The following NAALADL1 variants were observed in gnomAD, a reference collection of about 807,000 sequenced individuals.
NAALADL1 encodes aminopeptidase NAALADL1.
In NAALADL1, 77 loss-of-function variants were observed where a neutral mutation model predicts 82.8. The observed-to-expected ratio is 0.93, with a 90% CI of 0.77 to 1.12. The LOEUF (loss-of-function observed/expected upper bound fraction) is 1.12, where lower values mean the gene tolerates loss of function less well. NAALADL1 is among the 50% of genes most tolerant of loss of function. The probability of loss-of-function intolerance (pLI) is 0.00; values close to 1 mark genes in which losing one functional copy is unlikely to be tolerated. For synonymous variants in NAALADL1, 358 were observed against 399.2 expected, an observed-to-expected ratio of 0.90 and a Z score of 1.23; for missense variants, 956 against 964.0, an observed-to-expected ratio of 0.99 and a Z score of 0.11.
chr11:65,053,057 C>T lies in NAALADL1; in HGVS notation c.1198+161G>A, dbSNP rs1214023635. Among the ~76,000 whole-genome samples, 1 of 152,244 alleles carries T rather than the reference C, an allele frequency of 6.6e-6. No individual in the cohort carries two copies. Among genetic ancestry groups the T allele is most frequent in the Admixed American group, 6.5e-5 (1 of 15,274 alleles). ...TCAACCCACAGTCTATTCCCTGTAC[C>T]ACACTGGGCTGCTGCAGGCCAAGGC... On this transcript the variant is annotated intron_variant, in intron 8 of 17. Coordinates refer to ENST00000358658, the MANE Select transcript of NAALADL1 (RefSeq NM_005468.3). This position sits in a 1 kb window ranked among gnomAD's most constrained non-coding sequence, Gnocchi z 4.3.
Position 65,045,035 on chromosome 11 carries a change from T to C in NAALADL1, c.*236A>G. On this transcript the variant is annotated 3_prime_UTR_variant, in exon 18 of 18. Transcript: ENST00000358658. ...ACCTGCCACCAAGGGCAGTTGGTGG[T>C]TTTGCCATCCCATCCCTGTCCCCTG... 1 of 613,096 alleles carries C rather than the reference T, an allele frequency of 1.6e-6. No individual in the cohort carries two copies. The allele number at this position is 613,096 out of a possible 1,614,324, so 38.0% of individuals were successfully genotyped here.
rs1205177823 is a variant in NAALADL1 at position 65,047,575 on chromosome 11, G to A, written c.1509-10C>T. On this transcript the variant is annotated splice_polypyrimidine_tract_variant and intron_variant, in intron 12 of 17. Coordinates refer to ENST00000358658, the MANE Select transcript of NAALADL1 (RefSeq NM_005468.3). The stretch of plus-strand genomic sequence containing the variant: ...ACCCAGAGAACCCAAGCTGCGGGAA[G>A]GAAGGGGGCCGGGATAAAGAGCGCT... 6.4e-7 allele frequency: 1 copy of A among 1,573,434 alleles called. No individual in the cohort carries two copies. Among genetic ancestry groups the A allele is most frequent in the Non-Finnish European group, 8.6e-7 (1 of 1,159,730 alleles).
In NAALADL1 at chr11:65,045,123, C is replaced by T. The variant is rs1590752417; in HGVS notation, c.*148G>A. 3.4e-6 allele frequency: 3 copies of T among 875,814 alleles called. No homozygotes were observed. The highest frequency in any genetic ancestry group is 2.7e-5 in the East Asian group (1 of 37,186). 54.3% of individuals were successfully genotyped at this position (875,814 alleles called of 1,614,324 possible). Reference sequence around the variant, plus strand: ...TGAGTTGCATTAGGGCTTGCCACTCCCCTCAGGGACCTCAAGCTGTTGCCT... The same window carrying T: ...TGAGTTGCATTAGGGCTTGCCACTCTCCTCAGGGACCTCAAGCTGTTGCCT... On this transcript the variant is annotated 3_prime_UTR_variant, in exon 18 of 18. Transcript: ENST00000358658.
chr11:65,058,178 G>A lies in NAALADL1; in HGVS notation c.258C>T (p.Arg86=). 1.2e-6 allele frequency: 2 copies of A among 1,613,900 alleles called. No individual in the cohort carries two copies. Among genetic ancestry groups the A allele is most frequent in the Non-Finnish European group, 8.5e-7 (1 of 1,179,934 alleles). ...CCAGGCCTGACTCTGGGTCCTTCCA[G>A]CGCTGCAGCAGCAGCTGCACCAGGT... ...DEDLVQLLLQ[R]WKDPESGLDS... Residue 86 remains arginine (R), a synonymous_variant, in exon 2 of 18, where the codon CGC becomes CGT. Coordinates refer to ENST00000358658, the MANE Select transcript of NAALADL1 (RefSeq NM_005468.3).
intron 17 of NAALADL1, 166 bp downstream of exon 17, chr11:65,045,656 G>T: frequency 1.1e-6 from 1 of 873,514 alleles, no homozygotes; most frequent in Non-Finnish European, 1.7e-6. Context: ...GCTCCCAGAG[G>T]GACCCTCAAG....
At chr11:65,049,920 C>T (rs1946840397) in intron 8 of NAALADL1, among the ~76,000 whole-genome samples, 1 of 151,652 alleles carries the variant, frequency 6.6e-6, no homozygotes, top group South Asian at 2.1e-4. Context: ...TCTCATCAAC[C>T]AGGCTGGAGT....
At position 65,058,469 on chromosome 11, in the gene NAALADL1, C is replaced by G. The variant is rs770479797; in HGVS notation, c.53G>C (p.Gly18Ala). The G allele has an allele frequency of 1.2e-6, 2 of 1,612,850 alleles. No homozygotes were observed. Among genetic ancestry groups the G allele is most frequent in the Non-Finnish European group, 8.5e-7 (1 of 1,179,614 alleles). The change falls in exon 1 of 18, where the codon GGG becomes GCG. Residue 18 changes from glycine (G) to alanine (A), a missense_variant. Coordinates refer to ENST00000358658, the MANE Select transcript of NAALADL1 (RefSeq NM_005468.3). ...AAAGTGGCCGAGGATGATCCCCAGCCCCAAGAGGGCAGCAGCCCCCAGCCC... is the reference window on the plus strand; with the variant it reads ...AAAGTGGCCGAGGATGATCCCCAGCGCCAAGAGGGCAGCAGCCCCCAGCCC... ...GLGLGAAALL[G>A]LGIILGHFAI...
chr11:65,054,562 G>T lies in NAALADL1; in HGVS notation c.780C>A (p.Tyr260Ter), dbSNP rs761452218. ...YEYFGDPLTP[Y>*]LPAVPSSFRV... Reference sequence around the variant, plus strand: ...GGAAGGAAGAGGGGACGGCTGGAAGGTAGGGAGTCAGAGGGTCCCCAAAAT... The same window carrying T: ...GGAAGGAAGAGGGGACGGCTGGAAGTTAGGGAGTCAGAGGGTCCCCAAAAT... Residue 260 changes from tyrosine to a stop codon, truncating the protein, a stop_gained, in exon 5 of 18, where the codon TAC becomes TAA. Transcript: ENST00000358658. LOFTEE classifies it high-confidence loss of function. This position sits in a 1 kb window ranked among gnomAD's most constrained non-coding sequence, Gnocchi z 4.3. The T allele has an allele frequency of 1.2e-6, 2 of 1,613,890 alleles. No homozygotes were observed. The highest frequency in any genetic ancestry group is 2.2e-5 in the South Asian group (2 of 91,066).
chr11:65,058,499 C>A lies in NAALADL1; in HGVS notation c.23G>T (p.Gly8Val). The A allele has an allele frequency of 6.2e-7, 1 of 1,606,792 alleles. No homozygotes were observed. The change falls in exon 1 of 18, where the codon GGG becomes GTG. Residue 8 changes from glycine to valine, a missense_variant. Transcript: ENST00000358658. ...GAGGGCAGCAGCCCCCAGCCCCAGC[C>A]CCAACACCTTCGTCCACTGCATCCT... The part of the protein sequence containing the change: MQWTKVL[G>V]LGLGAAALLG...
chr11:65,058,605 C>T, upstream of NAALADL1: 6 of 1,317,852 alleles, frequency 4.6e-6, no homozygotes, highest in Non-Finnish European at 6.1e-6. Flanking sequence ...TTAAACATTA[C>T]CCCATGGGTG....
chr11:65,045,249 G>A lies in NAALADL1; in HGVS notation c.*22C>T, dbSNP rs192355150. 2.5e-6 allele frequency: 4 copies of A among 1,600,858 alleles called. No homozygotes were observed. The highest frequency in any genetic ancestry group is 1.1e-5 in the South Asian group (1 of 89,406). ...CAGGAGAGGGTTGGAGTAAAGGGAG[G>A]GCTGAAGAAAGAGGGCTGGGGTCAG... On this transcript the variant is annotated 3_prime_UTR_variant, in exon 18 of 18. Transcript: ENST00000358658.
In NAALADL1 at chr11:65,058,474, G is replaced by C; in HGVS notation, c.48C>G (p.Leu16=). Reference sequence around the variant, plus strand: ...GGCCGAGGATGATCCCCAGCCCCAAGAGGGCAGCAGCCCCCAGCCCCAGCC... The same window carrying C: ...GGCCGAGGATGATCCCCAGCCCCAACAGGGCAGCAGCCCCCAGCCCCAGCC... The part of the protein sequence containing the change: ...VLGLGLGAAA[L]LGLGIILGHF... The change falls in exon 1 of 18, where the codon CTC becomes CTG. Residue 16 remains leucine, a synonymous_variant. Transcript: ENST00000358658. The C allele has an allele frequency of 3.7e-6, 6 of 1,612,600 alleles. No individual in the cohort carries two copies. Among genetic ancestry groups the C allele is most frequent in the Non-Finnish European group, 5.1e-6 (6 of 1,179,414 alleles).
Position 65,046,240 on chromosome 11 carries a change from C to CA in NAALADL1, c.1803_1804insT (p.Ala602CysfsTer28). 1 of 1,614,138 alleles carries CA rather than the reference C, an allele frequency of 6.2e-7. No individual in the cohort carries two copies. Among genetic ancestry groups the CA allele is most frequent in the Non-Finnish European group, 8.5e-7 (1 of 1,180,040 alleles). Reference sequence around the variant, plus strand: ...AGGGCCCCAAGATCTTGCTGGGCTGCCTGCAGGAAGCTGCGGAGTGTCTCA... The same window carrying CA: ...AGGGCCCCAAGATCTTGCTGGGCTGCACTGCAGGAAGCTGCGGAGTGTCTCA... On this transcript the variant is annotated frameshift_variant, in exon 15 of 18. Transcript: ENST00000358658. LOFTEE classifies it high-confidence loss of function.
At chr11:65,047,809 C>G in intron 11 of NAALADL1, 71 bp from the exon 12 acceptor site, 4 of 1,502,292 alleles carry the variant, frequency 2.7e-6, no homozygotes, top group Non-Finnish European at 3.6e-6. Context: ...GGTTCTCCAC[C>G]GGTCTCCTGC....
intron 4 of NAALADL1, among the ~76,000 whole-genome samples, chr11:65,056,321 C>A (rs538835497): frequency 2.6e-5 from 4 of 152,122 alleles, no homozygotes; most frequent in Non-Finnish European, 4.4e-5. Flanking sequence ...CTGACAAATC[C>A]GAAACTCGGT....
upstream of NAALADL1, chr11:65,058,637 CT>C (rs1947117389): frequency 9.9e-7 from 1 of 1,013,728 alleles, no homozygotes. Context: ...TGACCCCCAG[CT>C]GGCAGGGAGA....
At chr11:65,048,617 C>T (rs553335647) in intron 8 of NAALADL1, 3 of 574,532 alleles carry the variant, frequency 5.2e-6, no homozygotes, top group Admixed American at 3.0e-5. Flanking sequence ...ATGCCTACTG[C>T]CCCTCTCTCT....
Position 65,048,178 on chromosome 11 carries a change from T to C in NAALADL1, c.1322A>G (p.Tyr441Cys), listed in dbSNP as rs757597014. The change falls in exon 10 of 18, where the codon TAC becomes TGC. Residue 441 changes from tyrosine to cysteine, a missense_variant. Transcript: ENST00000358658. ...FNKLQERTVA[Y>C]INVDISVFAN... The stretch of plus-strand genomic sequence containing the variant: ...AAACACCGAGATGTCCACGTTGATG[T>C]AGGCCACCGTGCGCTCCTGCAGCTT... 176 of 1,613,668 alleles carry C rather than the reference T, an allele frequency of 1.1e-4. No homozygotes were observed. Among genetic ancestry groups the C allele is most frequent in the Non-Finnish European group, 1.4e-4 (165 of 1,179,952 alleles).
chr11:65,051,311 CTTTCTTTTTTTTTTTTTTT>C (rs1565230963), intron 8 of NAALADL1, among the ~76,000 whole-genome samples: 2 of 62,640 alleles, frequency 3.2e-5, no homozygotes, highest in African/African-American at 5.1e-5. Context: ...TCCTTTCTTT[CTTTCTTTTTTTTTTTTTTT>C]TTTTTTTTTT....
Sources: allele counts gnomAD v4.1 joint callset (sites outside exome capture counted in the v4.1 genomes callset), GRCh38; gene constraint gnomAD v4.1.1; non-coding constraint Gnocchi (gnomAD v3.1); transcripts MANE v1.5; gene names NCBI Gene and HGNC (gene_info 2026-07-23, HGNC 2026-07-21).